Variants in ASIC2 observed in about 807,000 individuals in gnomAD.
ASIC2 encodes the protein acid sensing ion channel subunit 2, also known as acid-sensing ion channel 2.
ASIC2 carries 25 observed loss-of-function variants against 57.3 expected under a neutral mutation model. The ratio of observed to expected loss-of-function variants is 0.44; its 90% CI spans 0.32 to 0.61. The LOEUF (loss-of-function observed/expected upper bound fraction) is 0.61, where lower values mean the gene tolerates loss of function less well. ASIC2 is among the 20% of genes least tolerant of loss of function. ASIC2 has a pLI of 0.06. For missense variants in ASIC2, 641 were observed against 738.1 expected, an observed-to-expected ratio of 0.87 and a Z score of 1.52; for synonymous variants, 319 against 307.5, an observed-to-expected ratio of 1.04 and a Z score of -0.39.
At chr17:33,513,139 T>G (rs1914475662) in intron 1 of ASIC2, among the ~76,000 whole-genome samples, 1 of 152,258 alleles carries the variant, frequency 6.6e-6, no homozygotes, top group Non-Finnish European at 1.5e-5. Context: ...ATGGCAGGAC[T>G]GCTGTAGGAA....
At chr17:33,918,226 T>C (rs981358955) in intron 1 of ASIC2, among the ~76,000 whole-genome samples, 1 of 152,198 alleles carries the variant, frequency 6.6e-6, no homozygotes, top group African/African-American at 2.4e-5. Flanking sequence ...ATAAATCTTT[T>C]GCTGATTATC....
intron 1 of ASIC2, among the ~76,000 whole-genome samples, chr17:33,301,251 G>T (rs1905949322): frequency 6.6e-6 from 1 of 151,146 alleles, no homozygotes; most frequent in Non-Finnish European, 1.5e-5. Flanking sequence ...ATGTCATCGA[G>T]GCTGGTCTTG....
rs141013803 is a variant in ASIC2 at position 33,846,920 on chromosome 17, C to T, written c.555+309058G>A. Among the ~76,000 whole-genome samples, 695 of 152,130 alleles carry T rather than the reference C, an allele frequency of 4.6e-3. 8 individuals are homozygous for T. The highest frequency in any genetic ancestry group is 0.016 in the African/African-American group (645 of 41,480). The stretch of plus-strand genomic sequence containing the variant: ...ATTCTCCAAGGCAGAGCCCAGAGGA[C>T]CAGAAAACCACAATTTTCAAACCCA... On this transcript the variant is annotated intron_variant, in intron 1 of 9. Transcript: ENST00000359872.
chr17:33,712,389 G>C (rs1237242588), intron 1 of ASIC2, among the ~76,000 whole-genome samples: 1 of 152,176 alleles, frequency 6.6e-6, no homozygotes, highest in Non-Finnish European at 1.5e-5. Flanking sequence ...CATCTGCTTT[G>C]ACCTACTGTT....
At chr17:33,945,632 A>G (rs910185600) in intron 1 of ASIC2, among the ~76,000 whole-genome samples, 1 of 152,156 alleles carries the variant, frequency 6.6e-6, no homozygotes, top group Non-Finnish European at 1.5e-5. Context: ...TTTAGGCTGC[A>G]TATGGCTTCT....
At chr17:33,704,000 C>T (rs775994201) in intron 1 of ASIC2, among the ~76,000 whole-genome samples, 4 of 152,248 alleles carry the variant, frequency 2.6e-5, no homozygotes, top group South Asian at 2.1e-4. Context: ...TATTTTTATT[C>T]TGAGCTCAGG....
chr17:33,273,688 A>G (rs1158639749), intron 1 of ASIC2, among the ~76,000 whole-genome samples: 1 of 152,238 alleles, frequency 6.6e-6, no homozygotes, highest in Non-Finnish European at 1.5e-5. Flanking sequence ...AACTGCAAAT[A>G]CCACCATTAT....
intron 1 of ASIC2, among the ~76,000 whole-genome samples, chr17:33,964,103 C>G (rs1355720069): frequency 6.6e-6 from 1 of 152,232 alleles, no homozygotes; most frequent in Non-Finnish European, 1.5e-5. Context: ...TTACCACACT[C>G]TTTGTGCTAT....
At chr17:34,006,653 T>C (rs1567785243) in intron 1 of ASIC2, 1 of 152,178 alleles carries the variant, frequency 6.6e-6, no homozygotes, top group Admixed American at 6.5e-5. Flanking sequence ...TCATTATATA[T>C]ATTCATGGGG....
intron 3 of ASIC2, among the ~76,000 whole-genome samples, chr17:33,039,785 G>GAGGATTCTA (rs1282839075): frequency 6.6e-5 from 10 of 152,196 alleles, no homozygotes; most frequent in African/African-American, 2.4e-4. Flanking sequence ...CACTGGAAGA[G>GAGGATTCTA]AGGATTCTAC....
At chr17:34,030,866 G>C (rs1303944131) in intron 1 of ASIC2, among the ~76,000 whole-genome samples, 1 of 152,274 alleles carries the variant, frequency 6.6e-6, no homozygotes, top group East Asian at 1.9e-4. Context: ...AGGCCAGGAA[G>C]CTCGAACTGG....
At chr17:34,095,720 TAG>T (rs1045165363) in intron 1 of ASIC2, among the ~76,000 whole-genome samples, 4 of 141,928 alleles carry the variant, frequency 2.8e-5, no homozygotes, top group African/African-American at 7.8e-5. Context: ...ATTTTATATA[TAG>T]AGAGATATAT....
chr17:33,971,912 C>G (rs1283809077), intron 1 of ASIC2, among the ~76,000 whole-genome samples: 2 of 152,124 alleles, frequency 1.3e-5, no homozygotes, highest in African/African-American at 4.8e-5. Flanking sequence ...AGTAATAATT[C>G]TTCCCCGAGA....
intron 1 of ASIC2, among the ~76,000 whole-genome samples, chr17:33,798,442 G>C (rs1241249200): frequency 1.3e-5 from 2 of 152,186 alleles, no homozygotes; most frequent in East Asian, 1.9e-4. Context: ...AGATCAATTT[G>C]TGTTTAAGAA....
intron 1 of ASIC2, among the ~76,000 whole-genome samples, chr17:33,360,573 A>T (rs1908559754): frequency 6.6e-6 from 1 of 152,146 alleles, no homozygotes; most frequent in East Asian, 1.9e-4. Context: ...TAATCTTCTA[A>T]TATGCAATTG....
At chr17:33,606,532 C>T (rs1189288871) in intron 1 of ASIC2, among the ~76,000 whole-genome samples, 1 of 152,212 alleles carries the variant, frequency 6.6e-6, no homozygotes, top group South Asian at 2.1e-4. Flanking sequence ...GATGCCCCCT[C>T]CAACCTACCA....
chr17:33,657,757 TAAAAAAAAAA>T (rs34103812), intron 1 of ASIC2, among the ~76,000 whole-genome samples: 1 of 103,500 alleles, frequency 9.7e-6, no homozygotes, highest in African/African-American at 3.6e-5. Context: ...TGGCAGTTTC[TAAAAAAAAAA>T]AAAAAAAAAA....
At chr17:33,120,308 C>T (rs1368074241) in intron 1 of ASIC2, among the ~76,000 whole-genome samples, 2 of 152,178 alleles carry the variant, frequency 1.3e-5, no homozygotes, top group Non-Finnish European at 2.9e-5. Flanking sequence ...TTCTGCTGGG[C>T]AGCTGTCCAG....
At chr17:33,163,813 G>T (rs1905229008) in intron 1 of ASIC2, among the ~76,000 whole-genome samples, 1 of 152,156 alleles carries the variant, frequency 6.6e-6, no homozygotes, top group Admixed American at 6.5e-5. Context: ...ACCAGGAAAT[G>T]GCAGGACCTG....
Sources: allele counts gnomAD v4.1 joint callset (sites outside exome capture counted in the v4.1 genomes callset), GRCh38; gene constraint gnomAD v4.1.1; transcripts MANE v1.5; gene names NCBI Gene and HGNC (gene_info 2026-07-23, HGNC 2026-07-21).